NRXN1: variants seen among roughly 807,000 people sequenced by gnomAD.
The protein encoded by NRXN1 is neurexin 1.
NRXN1 carries 39 observed loss-of-function variants against 150.9 expected under a neutral mutation model. That is an observed-to-expected ratio of 0.26 (90% confidence interval 0.20 to 0.34). The LOEUF (loss-of-function observed/expected upper bound fraction) is 0.34. Ranked by LOEUF, NRXN1 falls within the 10% of genes least tolerant of loss-of-function variation. The pLI is 1.00. For synonymous variants in NRXN1, 924 were observed against 757.0 expected (o/e 1.22, Z -3.62); for missense variants, 1,815 against 1,949.9 (o/e 0.93, Z 1.30).
intron 20 of NRXN1, 146 bp downstream of exon 20, chr2:50,054,809 A>C: frequency 1.8e-6 from 1 of 546,990 alleles, no homozygotes; most frequent in Non-Finnish European, 3.2e-6. Context: ...TGCAAATATT[A>C]CTATCTACAT....
intron 21 of NRXN1, among the ~76,000 whole-genome samples, chr2:49,961,422 C>G (rs1386697527): frequency 6.6e-6 from 1 of 151,932 alleles, no homozygotes; most frequent in Non-Finnish European, 1.5e-5. Flanking sequence ...TAGAGCTTCC[C>G]TGCCCTGACC....
intron 22 of NRXN1, among the ~76,000 whole-genome samples, chr2:49,941,156 G>A (rs993833512): frequency 6.6e-6 from 1 of 151,854 alleles, no homozygotes; most frequent in Non-Finnish European, 1.5e-5. Flanking sequence ...CTTGTGGGGA[G>A]ATTCAAGCTA....
intron 15 of NRXN1, among the ~76,000 whole-genome samples, chr2:50,473,551 A>G (rs2089716465): frequency 1.3e-5 from 2 of 152,060 alleles, no homozygotes; most frequent in East Asian, 3.9e-4. Flanking sequence ...CAAGTTCTGT[A>G]ACATACTCTT....
At chr2:50,731,558 A>C (rs1698118427) in intron 5 of NRXN1, among the ~76,000 whole-genome samples, 1 of 152,194 alleles carries the variant, frequency 6.6e-6, no homozygotes, top group Non-Finnish European at 1.5e-5. Context: ...CCAATGATCT[A>C]GAATGGTGGC....
Position 50,254,860 on chromosome 2 carries a change from G to A in NRXN1, c.3365-17890C>T, listed in dbSNP as rs1574769831. Among the ~76,000 whole-genome samples the A allele has an allele frequency of 2.0e-5, 3 of 152,068 alleles. No individual in the cohort carries two copies. In the South Asian group the frequency reaches 6.2e-4, roughly 32 times the overall value. ...GCTGCTCTGTCACCCATGCTTGAAA[G>A]CAGTGGTGTTATCGTGGTTCACTGC... On this transcript the variant is annotated intron_variant, in intron 17 of 22. Coordinates refer to ENST00000401669, the MANE Select transcript of NRXN1 (RefSeq NM_001330078.2).
intron 21 of NRXN1, among the ~76,000 whole-genome samples, chr2:49,955,473 G>A (rs948940174): frequency 2.0e-5 from 3 of 152,062 alleles, no homozygotes; most frequent in African/African-American, 7.2e-5. Flanking sequence ...AAGGTTAGAA[G>A]GAAGGCAAAG....
chr2:50,401,828 C>T (rs141046217), intron 17 of NRXN1, among the ~76,000 whole-genome samples: 1 of 152,268 alleles, frequency 6.6e-6, no homozygotes, highest in East Asian at 1.9e-4. Context: ...ACAGCTCTTT[C>T]TGGTATTTCA....
Position 50,639,202 on chromosome 2 carries a change from T to TTTC in NRXN1, c.833-15588_833-15587insGAA, listed in dbSNP as rs1553916392. Among the ~76,000 whole-genome samples, 893 of 127,744 alleles carry TTTC rather than the reference T, an allele frequency of 7.0e-3. 21 individuals carry two copies. Among genetic ancestry groups the TTTC allele is most frequent in the East Asian group, 0.02 (84 of 4,224 alleles). 83.8% of individuals were successfully genotyped at this position (127,744 alleles called of 152,430 possible). ...TCACACTTTTATGCATTTATCATTT[T>TTTC]TTTCTTTCTTTCTTTCTTTCTTTTT... On this transcript the variant is annotated intron_variant, in intron 5 of 22. Transcript: ENST00000401669.
rs201209196 is a variant in NRXN1, at chr2:51,027,536, C to G, written c.738G>C (p.Ser246=). 7 of 1,562,692 alleles carry G rather than the reference C, an allele frequency of 4.5e-6. No individual in the cohort carries two copies. The highest frequency in any genetic ancestry group is 6.1e-6 in the Non-Finnish European group (7 of 1,149,816). Residue 246 remains serine (S), a synonymous_variant, in exon 2 of 23, where the codon TCG becomes TCC. Transcript: ENST00000401669. Reference sequence around the variant, plus strand: ...AGTCCTTGCCGCGGAAGCCGGTTCGCGAGCAGTCGCACACGGCCTGGTCGT... The same window carrying G: ...AGTCCTTGCCGCGGAAGCCGGTTCGGGAGCAGTCGCACACGGCCTGGTCGT... ...VVDDQAVCDC[S]RTGFRGKDCS... is the part of the protein sequence containing the mutation.
chr2:50,141,658 C>T (rs1206057839), intron 18 of NRXN1, among the ~76,000 whole-genome samples: 1 of 152,018 alleles, frequency 6.6e-6, no homozygotes, highest in Non-Finnish European at 1.5e-5. Context: ...TCTGAAAAGA[C>T]ATTTACTTAA....
At position 50,988,155 on chromosome 2, in the gene NRXN1, T is replaced by C. The variant is rs112567970; in HGVS notation, c.772+39347A>G. Among the ~76,000 whole-genome samples, 1,066 of 152,090 alleles carry C rather than the reference T, an allele frequency of 7.0e-3. 16 individuals are homozygous for C. Among genetic ancestry groups the C allele is most frequent in the African/African-American group, 0.023 (942 of 41,548 alleles). On this transcript the variant is annotated intron_variant, in intron 2 of 22. Coordinates refer to ENST00000401669, the MANE Select transcript of NRXN1 (RefSeq NM_001330078.2). ...AACTCCAATGTTCAGCTGACAAAAA[T>C]AAGTCAGGCCTAATTTACCACATGA...
rs1173233879 is a variant in NRXN1, at chr2:51,026,598, C to G, written c.772+904G>C. 1.2e-5 allele frequency: 8 copies of G among 657,322 alleles called. No individual in the cohort carries two copies. The South Asian group carries it at 1.3e-4, about 10-fold the overall frequency. The allele number at this position is 657,322 out of a possible 1,614,324, so 40.7% of individuals were successfully genotyped here. ...AGATAAATGTCATTAGCCGAATATC[C>G]TTAGAAAATCTCTTGCAATCCCTTA... On this transcript the variant is annotated intron_variant, in intron 2 of 22. Coordinates refer to ENST00000401669, the MANE Select transcript of NRXN1 (RefSeq NM_001330078.2).
At chr2:50,963,867 T>C in intron 2 of NRXN1, 1 of 326,146 alleles carries the variant, frequency 3.1e-6, no homozygotes, top group South Asian at 2.6e-5. Context: ...GCATACACAA[T>C]GTTCTGAAAA....
chr2:50,860,187 C>T (rs1675914385), intron 5 of NRXN1, among the ~76,000 whole-genome samples: 2 of 151,726 alleles, frequency 1.3e-5, no homozygotes, highest in Admixed American at 6.6e-5. Context: ...TCTGATCAGC[C>T]TTGTGCCAGT....
chr2:50,239,638 A>C (rs2065801765), intron 17 of NRXN1, among the ~76,000 whole-genome samples: 1 of 129,426 alleles, frequency 7.7e-6, no homozygotes, highest in South Asian at 2.4e-4. Context: ...TTGGTATAAA[A>C]CCCATATCCT....
rs538501548 is a variant in NRXN1 at position 50,654,043 on chromosome 2, T to C, written c.833-30428A>G. Among the ~76,000 whole-genome samples, 10 of 151,582 alleles carry C rather than the reference T, an allele frequency of 6.6e-5. No homozygotes were observed. The East Asian group carries it at 1.4e-3, about 21-fold the overall frequency. ...TTTATTCATTCTTTTTCTCTTTTTT[T>C]TTATACTTTAAGTTTTAGGGTACAT... is the stretch of plus-strand genomic sequence containing the variant. On this transcript the variant is annotated intron_variant, in intron 5 of 22. Transcript: ENST00000401669.
In NRXN1 at chr2:50,654,599, C is replaced by G. The variant is rs535925869; in HGVS notation, c.833-30984G>C. Among the ~76,000 whole-genome samples, 6 of 152,076 alleles carry G rather than the reference C, an allele frequency of 3.9e-5. 1 individual carries two copies. Among genetic ancestry groups the G allele is most frequent in the South Asian group, 2.1e-4 (1 of 4,822 alleles). ...TTCTAGTTCTAGATCCCTGAGGAAT[C>G]GCCACACTGACTTCCACAATGGTTG... On this transcript the variant is annotated intron_variant, in intron 5 of 22. Transcript: ENST00000401669.
intron 17 of NRXN1, among the ~76,000 whole-genome samples, chr2:50,432,087 GAGA>G (rs2085015946): frequency 6.6e-6 from 1 of 152,146 alleles, no homozygotes; most frequent in Non-Finnish European, 1.5e-5. Flanking sequence ...GCAATTTGCG[GAGA>G]AGACTTCCTA....
At chr2:49,972,538 G>C (rs887071017) in intron 21 of NRXN1, 1 of 152,104 alleles carries the variant, frequency 6.6e-6, no homozygotes, top group Non-Finnish European at 1.5e-5. Flanking sequence ...AATAAGTTTA[G>C]TATTAATTGC....
Sources: allele counts gnomAD v4.1 joint callset (sites outside exome capture counted in the v4.1 genomes callset), GRCh38; gene constraint gnomAD v4.1.1; transcripts MANE v1.5; gene names NCBI Gene and HGNC (gene_info 2026-07-23, HGNC 2026-07-21).